The following SYNPR variants were observed in gnomAD, a reference collection of about 807,000 sequenced individuals.
SYNPR encodes synaptoporin.
A neutral mutation model predicts 32.9 loss-of-function variants in SYNPR; 23 were observed. The ratio of observed to expected loss-of-function variants is 0.70; its 90% CI spans 0.50 to 0.99. SYNPR has a LOEUF of 0.99. Ranked by LOEUF, SYNPR falls within the 50% of genes least tolerant of loss-of-function variation. SYNPR has a pLI of 0.00. For synonymous variants in SYNPR, 146 were observed against 135.9 expected (o/e 1.07, Z -0.52); for missense variants, 318 against 349.3 (o/e 0.91, Z 0.71).
At chr3:63,341,499 C>T (rs2087370481) in intron 2 of SYNPR, among the ~76,000 whole-genome samples, 1 of 152,216 alleles carries the variant, frequency 6.6e-6, no homozygotes, top group African/African-American at 2.4e-5. Flanking sequence ...TATTACTCCA[C>T]ATTCTCATCA....
At chr3:63,392,407 A>G (rs865819011) in intron 2 of SYNPR, among the ~76,000 whole-genome samples, 21 of 152,208 alleles carry the variant, frequency 1.4e-4, no homozygotes, top group African/African-American at 3.4e-4. Flanking sequence ...AACCTCTAAA[A>G]TAAGGCTACT....
intron 2 of SYNPR, among the ~76,000 whole-genome samples, chr3:63,426,071 C>T (rs1397669007): frequency 1.3e-5 from 2 of 152,148 alleles, no homozygotes; most frequent in African/African-American, 4.8e-5. Context: ...GGGCATGAGC[C>T]ACAATGCCCC....
At chr3:63,205,764 A>G in the SYNPR span, among the ~76,000 whole-genome samples, 2 of 152,174 alleles carry the variant, frequency 1.3e-5, no homozygotes, top group African/African-American at 2.4e-5. Context: ...AGCGCTCTCT[A>G]CTTTGTTACC....
chr3:63,211,589 G>C, the SYNPR span, among the ~76,000 whole-genome samples: 1 of 152,284 alleles, frequency 6.6e-6, no homozygotes, highest in East Asian at 1.9e-4. Flanking sequence ...ACTTTAGAGA[G>C]CTCAAGCTGT....
At chr3:63,435,263 C>T (rs1009068641) in intron 2 of SYNPR, among the ~76,000 whole-genome samples, 1 of 152,188 alleles carries the variant, frequency 6.6e-6, no homozygotes, top group Non-Finnish European at 1.5e-5. Flanking sequence ...TAAACCTTAT[C>T]ATTTTCGTTT....
intron 4 of SYNPR, among the ~76,000 whole-genome samples, chr3:63,585,177 T>G (rs1257096790): frequency 2.0e-5 from 3 of 152,162 alleles, no homozygotes; most frequent in Admixed American, 2.0e-4. Flanking sequence ...AACAGTTATA[T>G]ATTGGAAATA....
chr3:63,589,130 G>A (rs1270307415), intron 4 of SYNPR, among the ~76,000 whole-genome samples: 1 of 152,052 alleles, frequency 6.6e-6, no homozygotes, highest in Non-Finnish European at 1.5e-5. Flanking sequence ...AAGCCATTTT[G>A]TGTTGTATTC....
intron 2 of SYNPR, among the ~76,000 whole-genome samples, chr3:63,279,424 G>A (rs891965440): frequency 6.6e-6 from 1 of 152,168 alleles, no homozygotes; most frequent in African/African-American, 2.4e-5. Context: ...TTTCTTCAGC[G>A]ACTGGGCTTT....
intron 2 of SYNPR, among the ~76,000 whole-genome samples, chr3:63,291,698 T>C (rs1294472091): frequency 6.6e-6 from 1 of 152,134 alleles, no homozygotes; most frequent in African/African-American, 2.4e-5. Context: ...GACAAGTGCT[T>C]CATTGGTGAA....
chr3:63,315,024 T>C (rs1253460379), intron 2 of SYNPR, among the ~76,000 whole-genome samples: 2 of 152,228 alleles, frequency 1.3e-5, no homozygotes, highest in Non-Finnish European at 2.9e-5. Context: ...TTGTTTGCTT[T>C]GTCAAAGTTC....
intron 2 of SYNPR, among the ~76,000 whole-genome samples, chr3:63,305,274 A>G (rs1412505994): frequency 6.6e-6 from 1 of 152,050 alleles, no homozygotes; most frequent in African/African-American, 2.4e-5. Context: ...CTTGACTGCA[A>G]TGTCATGAGA....
At chr3:63,434,449 C>T (rs1035728002) in intron 2 of SYNPR, among the ~76,000 whole-genome samples, 3 of 152,320 alleles carry the variant, frequency 2.0e-5, no homozygotes, top group African/African-American at 4.8e-5. Context: ...CATCAATACA[C>T]TCAGTTGGCT....
chr3:63,282,684 G>GAAAAA (rs34234414), intron 2 of SYNPR, among the ~76,000 whole-genome samples: 22 of 115,600 alleles, frequency 1.9e-4, no homozygotes, highest in Non-Finnish European at 2.5e-4. Flanking sequence ...CACTGTCTCA[G>GAAAAA]AAAAAAAAAA....
intron 3 of SYNPR, among the ~76,000 whole-genome samples, chr3:63,521,510 C>T (rs1229805973): frequency 6.6e-6 from 1 of 152,150 alleles, no homozygotes; most frequent in Non-Finnish European, 1.5e-5. Flanking sequence ...GACATTGGTG[C>T]TAATATTATC....
chr3:63,315,697 G>T (rs114272035), intron 2 of SYNPR, among the ~76,000 whole-genome samples: 2,235 of 152,044 alleles, frequency 0.015, 63 homozygotes, highest in African/African-American at 0.051. Context: ...GTGACAGTAT[G>T]ACTTCCTCTT....
chr3:63,203,068 G>GTGTGTGTATATATATATATATATATATA, the SYNPR span: 6 of 108,578 alleles, frequency 5.5e-5, no homozygotes, highest in East Asian at 2.4e-4. Flanking sequence ...ATATGTATGT[G>GTGTGTGTATATATATATATATATATATA]TATATATATA....
At chr3:63,432,758 A>G (rs1413686634) in intron 2 of SYNPR, among the ~76,000 whole-genome samples, 1 of 152,142 alleles carries the variant, frequency 6.6e-6, no homozygotes, top group Non-Finnish European at 1.5e-5. Flanking sequence ...ACCTTTGGTG[A>G]GACTCCCCTT....
intron 3 of SYNPR, among the ~76,000 whole-genome samples, chr3:63,501,682 A>C (rs1030225707): frequency 2.6e-5 from 4 of 152,124 alleles, no homozygotes; most frequent in Admixed American, 1.3e-4. Flanking sequence ...TACTTGGATA[A>C]AGTAGGATAT....
intron 2 of SYNPR, among the ~76,000 whole-genome samples, chr3:63,461,907 T>C (rs1044180988): frequency 1.3e-5 from 2 of 151,982 alleles, no homozygotes; most frequent in Non-Finnish European, 2.9e-5. Flanking sequence ...TAGTAAATGC[T>C]CCCCAAACAT....
Sources: gnomAD v4.1 joint callset for allele counts (sites outside exome capture counted in the v4.1 genomes callset) on GRCh38, gnomAD v4.1.1 for gene constraint, MANE v1.5 for transcripts, NCBI Gene and HGNC (gene_info 2026-07-23, HGNC 2026-07-21) for gene names.